Variants in SYCP2 observed in about 807,000 individuals in gnomAD.
The protein encoded by SYCP2 is synaptonemal complex protein 2.
In SYCP2, 55 loss-of-function variants were observed where a neutral mutation model predicts 211.3. That is an observed-to-expected ratio of 0.26 (90% CI 0.21 to 0.33). The LOEUF (loss-of-function observed/expected upper bound fraction) is 0.33. Among genes scored for constraint, SYCP2 ranks in the 10% least tolerant of loss-of-function variants. SYCP2 has a pLI of 1.00. For synonymous variants in SYCP2, 570 were observed against 555.2 expected, an observed-to-expected ratio of 1.03 and a Z score of -0.37; for missense variants, 1,731 against 1,752.0, an observed-to-expected ratio of 0.99 and a Z score of 0.21.
At chr20:59,874,185 A>G (rs964592308) in intron 34 of SYCP2, 124 bp from the exon 35 acceptor site, 7 of 525,424 alleles carry the variant, frequency 1.3e-5, no homozygotes, top group African/African-American at 1.2e-4. Context: ...TAGCTATAAA[A>G]AAGGATAGCT....
chr20:59,867,006 C>T (rs2059350652), intron 39 of SYCP2, among the ~76,000 whole-genome samples: 1 of 128,700 alleles, frequency 7.8e-6, no homozygotes, highest in African/African-American at 3.0e-5. Context: ...ATTAGGTTGG[C>T]CTTGGGCCAA....
intron 5 of SYCP2, 121 bp from the exon 6 acceptor site, chr20:59,919,718 T>C (rs1439102078): frequency 3.9e-6 from 2 of 518,828 alleles, no homozygotes; most frequent in Non-Finnish European, 6.6e-6. Flanking sequence ...ATTTTAGTGT[T>C]GTATCAAAAT....
At chr20:59,918,739 G>A (rs866392277) in intron 7 of SYCP2, among the ~76,000 whole-genome samples, 21 of 152,072 alleles carry the variant, frequency 1.4e-4, no homozygotes, top group African/African-American at 4.6e-4. Flanking sequence ...CCTCATTATA[G>A]ACAGGGATTA....
intron 15 of SYCP2, among the ~76,000 whole-genome samples, chr20:59,902,685 C>G (rs999955379): frequency 6.6e-6 from 1 of 151,938 alleles, no homozygotes; most frequent in South Asian, 2.1e-4. Flanking sequence ...TGAGGCCTGC[C>G]CAAGCAGAAA....
chr20:59,892,902 AT>A (rs2059935557), intron 22 of SYCP2, among the ~76,000 whole-genome samples: 1 of 151,904 alleles, frequency 6.6e-6, no homozygotes, highest in Non-Finnish European at 1.5e-5. Context: ...ATTTCTACAC[AT>A]TCATTGTTTA....
chr20:59,908,220 G>T (rs188865240), intron 14 of SYCP2, among the ~76,000 whole-genome samples: 81 of 152,308 alleles, frequency 5.3e-4, no homozygotes, highest in African/African-American at 1.9e-3. Flanking sequence ...CTGCTCTCCA[G>T]CCTGGGCAAC....
At chr20:59,886,968 T>G in intron 24 of SYCP2, 134 bp from the exon 25 acceptor site, 1 of 654,906 alleles carries the variant, frequency 1.5e-6, no homozygotes, top group Non-Finnish European at 2.4e-6. Flanking sequence ...GTCAACTGTT[T>G]AGTAAGTTTG....
At chr20:59,869,190 C>T (rs1371671688) in intron 36 of SYCP2, among the ~76,000 whole-genome samples, 1 of 151,240 alleles carries the variant, frequency 6.6e-6, no homozygotes, top group Non-Finnish European at 1.5e-5. Flanking sequence ...ATTTCCATTT[C>T]TTTGAGTCAG....
At chr20:59,877,960 GA>G (rs1249924518) in intron 32 of SYCP2, 47 bp downstream of exon 32, 26 of 1,447,052 alleles carry the variant, frequency 1.8e-5, no homozygotes, top group Non-Finnish European at 2.3e-5. Context: ...TATATGGCAA[GA>G]AAAAATAATT....
chr20:59,877,361 T>A lies in SYCP2; in HGVS notation c.3150+24A>T, dbSNP rs765319674. The A allele has an allele frequency of 7.6e-6, 11 of 1,443,542 alleles. 1 individual carries two copies. In the South Asian group the frequency reaches 1.6e-4, roughly 21 times the overall value. The allele number at this position is 1,443,542 out of a possible 1,614,324, so 89.4% of individuals were successfully genotyped here. ...TAGTATTTTAAGAGGCTTTTAGAAA[T>A]TAATCTGAACTGTATCTATTTACCT... On this transcript the variant is annotated intron_variant, in intron 33 of 44. Transcript: ENST00000357552.
At chr20:59,926,311 G>C (rs1301523506) in intron 2 of SYCP2, among the ~76,000 whole-genome samples, 2 of 152,024 alleles carry the variant, frequency 1.3e-5, no homozygotes, top group Non-Finnish European at 2.9e-5. Flanking sequence ...GTGGAGGCAA[G>C]ACGTCTAAAG....
At chr20:59,893,813 TAA>T (rs1359029024) in intron 20 of SYCP2, among the ~76,000 whole-genome samples, 2 of 152,042 alleles carry the variant, frequency 1.3e-5, no homozygotes, top group Non-Finnish European at 2.9e-5. Flanking sequence ...GAATATTGCA[TAA>T]ATTTTCTGAT....
rs953135548 is a variant in SYCP2 at position 59,865,250 on chromosome 20, G to T, written c.4515+138C>A. 1.2e-5 allele frequency: 8 copies of T among 642,760 alleles called. No individual in the cohort carries two copies. In the African/African-American group the frequency reaches 1.5e-4, roughly 12 times the overall value. 39.8% of individuals were successfully genotyped at this position (642,760 alleles called of 1,614,324 possible). A position where few individuals can be genotyped will look rare whatever the true frequency, so the allele number is the denominator to read the frequency against. Reference sequence around the variant, plus strand: ...TATAAATATGCTCCCATTATTTAAAGAACTAAAAGTAATTGGGCTAAAACT... The same window carrying T: ...TATAAATATGCTCCCATTATTTAAATAACTAAAAGTAATTGGGCTAAAACT... On this transcript the variant is annotated intron_variant, in intron 44 of 44. Transcript: ENST00000357552.
chr20:59,918,482 C>T (rs962179347), intron 7 of SYCP2, among the ~76,000 whole-genome samples: 3 of 152,148 alleles, frequency 2.0e-5, no homozygotes, highest in African/African-American at 7.2e-5. Flanking sequence ...GTTGTAAGTA[C>T]AAAGGAAATT....
chr20:59,896,745 T>C (rs1235718699), intron 18 of SYCP2, among the ~76,000 whole-genome samples: 3 of 152,162 alleles, frequency 2.0e-5, no homozygotes, highest in African/African-American at 7.2e-5. Flanking sequence ...GTAAGGAACA[T>C]TGTTTTAAAG....
At chr20:59,907,230 G>C (rs547946377) in intron 15 of SYCP2, 134 bp downstream of exon 15, 3 of 640,996 alleles carry the variant, frequency 4.7e-6, no homozygotes, top group Admixed American at 3.1e-5. Flanking sequence ...GGTGTTTGAT[G>C]AATTTCTGAA....
intron 18 of SYCP2, among the ~76,000 whole-genome samples, chr20:59,896,994 CTGGAG>C (rs1405718739): frequency 1.3e-5 from 2 of 152,096 alleles, no homozygotes; most frequent in East Asian, 3.9e-4. Flanking sequence ...GAAGACTAAA[CTGGAG>C]TGAAGTAGCT....
At position 59,900,778 on chromosome 20, in the gene SYCP2, G is replaced by A. The variant is rs771142869; in HGVS notation, c.1223C>T (p.Ser408Leu). The A allele has an allele frequency of 1.5e-5, 24 of 1,612,592 alleles. No individual in the cohort carries two copies. The highest frequency in any genetic ancestry group is 4.0e-5 in the African/African-American group (3 of 74,830). ...ACTTGCGTCAAAAAGTATATGCAGC[G>A]ACGTTTTGGCAACTGAAATACCTTG... is the stretch of plus-strand genomic sequence containing the variant. ...RKQGISVAKT[S>L]LHILFDASGS... The change falls in exon 17 of 45, where the codon TCG becomes TTG. Residue 408 changes from serine (S) to leucine (L), a missense_variant. Transcript: ENST00000357552.
chr20:59,866,695 GA>G, intron 39 of SYCP2, 106 bp from the exon 40 acceptor site: 1 of 754,480 alleles, frequency 1.3e-6, no homozygotes. Context: ...TTACTAAGAA[GA>G]ACTTGGAAAA....
Sources: gnomAD v4.1 joint callset for allele counts (sites outside exome capture counted in the v4.1 genomes callset) on GRCh38, gnomAD v4.1.1 for gene constraint, MANE v1.5 for transcripts, NCBI Gene and HGNC (gene_info 2026-07-23, HGNC 2026-07-21) for gene names.